The following GALNTL6 variants were observed in gnomAD, a reference collection of about 807,000 sequenced individuals.
GALNTL6 encodes the protein polypeptide N-acetylgalactosaminyltransferase like 6.
Under a neutral mutation model 73.7 loss-of-function variants are expected in GALNTL6, and 46 were observed. The observed-to-expected ratio is 0.62, with a 90% CI of 0.49 to 0.80. The LOEUF is 0.80. Among genes scored for constraint, GALNTL6 ranks in the 30% least tolerant of loss-of-function variants. GALNTL6 has a pLI of 0.00. For synonymous variants in GALNTL6, 259 were observed against 263.7 expected, an observed-to-expected ratio of 0.98 and a Z score of 0.17; for missense variants, 604 against 755.0, an observed-to-expected ratio of 0.80 and a Z score of 2.34.
At chr4:172,982,408 T>G (rs1433792747) in intron 10 of GALNTL6, among the ~76,000 whole-genome samples, 1 of 152,224 alleles carries the variant, frequency 6.6e-6, no homozygotes, top group Non-Finnish European at 1.5e-5. Flanking sequence ...TGGCTAAGCT[T>G]CTTTGTTTAT....
intron 2 of GALNTL6, among the ~76,000 whole-genome samples, chr4:172,199,089 G>A (rs755089295): frequency 2.0e-5 from 3 of 152,072 alleles, no homozygotes; most frequent in Non-Finnish European, 4.4e-5. Context: ...TGGATTCCTT[G>A]AGAGCAGACT....
intron 2 of GALNTL6, among the ~76,000 whole-genome samples, chr4:171,830,282 C>G (rs944892733): frequency 1.3e-5 from 2 of 152,246 alleles, no homozygotes; most frequent in Middle Eastern, 3.4e-3. Context: ...GAAGAATTAA[C>G]TTTTGTAGTT....
intron 10 of GALNTL6, among the ~76,000 whole-genome samples, chr4:172,977,901 G>A (rs558113279): frequency 1.3e-4 from 20 of 152,288 alleles, no homozygotes; most frequent in Admixed American, 2.0e-4. Context: ...GTGCAATGGC[G>A]TGATCACAGC....
chr4:172,740,893 G>A (rs557043236), intron 5 of GALNTL6, among the ~76,000 whole-genome samples: 5 of 152,156 alleles, frequency 3.3e-5, no homozygotes, highest in East Asian at 3.9e-4. Context: ...TGAATCAAGC[G>A]TATATTTTAA....
chr4:171,837,654 AT>A (rs1735131748), intron 2 of GALNTL6, among the ~76,000 whole-genome samples: 1 of 147,144 alleles, frequency 6.8e-6, no homozygotes, highest in African/African-American at 2.5e-5. Flanking sequence ...TTAATAATAA[AT>A]TAATAATTAA....
intron 2 of GALNTL6, among the ~76,000 whole-genome samples, chr4:172,215,723 T>G (rs1301124755): frequency 6.6e-6 from 1 of 152,162 alleles, no homozygotes; most frequent in Non-Finnish European, 1.5e-5. Flanking sequence ...TAAAGTGCTA[T>G]TAATATGTTC....
At chr4:172,408,732 T>C (rs1393071977) in intron 5 of GALNTL6, among the ~76,000 whole-genome samples, 2 of 152,068 alleles carry the variant, frequency 1.3e-5, no homozygotes, top group African/African-American at 2.4e-5. Flanking sequence ...GTTGTTGCTT[T>C]AGTAGAAACT....
intron 5 of GALNTL6, among the ~76,000 whole-genome samples, chr4:172,487,300 G>T (rs6817941): frequency 0.64 from 75,502 of 118,474 alleles, 23,352 homozygotes; most frequent in East Asian, 0.77. Context: ...CTTTCCTTCT[G>T]TCTTTCTTTC....
chr4:172,764,913 T>C (rs963219754), intron 5 of GALNTL6, among the ~76,000 whole-genome samples: 12 of 152,234 alleles, frequency 7.9e-5, no homozygotes, highest in Non-Finnish European at 1.8e-4. Flanking sequence ...AGAAGTGTTA[T>C]TGGGGATTTT....
intron 5 of GALNTL6, among the ~76,000 whole-genome samples, chr4:172,444,255 G>A (rs543144108): frequency 5.9e-5 from 9 of 152,096 alleles, no homozygotes; most frequent in Non-Finnish European, 1.0e-4. Context: ...GTGATCTAAC[G>A]GTCTACATTC....
chr4:171,931,375 C>G (rs373082534), intron 2 of GALNTL6, among the ~76,000 whole-genome samples: 25 of 152,194 alleles, frequency 1.6e-4, no homozygotes, highest in African/African-American at 6.0e-4. Context: ...TGGGTCTAGT[C>G]CAGCAGAATT....
intron 5 of GALNTL6, among the ~76,000 whole-genome samples, chr4:172,360,405 A>G (rs545394117): frequency 4.9e-4 from 74 of 152,330 alleles, no homozygotes; most frequent in African/African-American, 1.7e-3. Context: ...CTAGGAAAGT[A>G]TATTTTCATC....
chr4:172,157,570 A>G (rs552303171), intron 2 of GALNTL6, among the ~76,000 whole-genome samples: 4 of 152,228 alleles, frequency 2.6e-5, no homozygotes, highest in Non-Finnish European at 4.4e-5. Context: ...AGACAAGTCA[A>G]TTTACCTCAA....
intron 2 of GALNTL6, among the ~76,000 whole-genome samples, chr4:172,207,948 T>C (rs1458933230): frequency 6.6e-6 from 1 of 152,226 alleles, no homozygotes; most frequent in African/African-American, 2.4e-5. Context: ...CTGTACTCCA[T>C]GTTTGTTAAG....
intron 2 of GALNTL6, among the ~76,000 whole-genome samples, chr4:172,106,956 C>T (rs1253759604): frequency 6.6e-6 from 1 of 152,220 alleles, no homozygotes; most frequent in Admixed American, 6.5e-5. Flanking sequence ...TCACCGCAAC[C>T]TTTGCCTCCC....
intron 3 of GALNTL6, among the ~76,000 whole-genome samples, chr4:172,272,955 A>T (rs59804118): frequency 0.13 from 19,075 of 152,120 alleles, 1,271 homozygotes; most frequent in East Asian, 0.3. Context: ...AATAAGTTGG[A>T]GAAGAAGTAT....
intron 5 of GALNTL6, among the ~76,000 whole-genome samples, chr4:172,768,831 A>G (rs978756360): frequency 2.6e-5 from 4 of 152,026 alleles, no homozygotes; most frequent in Non-Finnish European, 4.4e-5. Context: ...TTATGCAGCT[A>G]TTTCAACAGT....
intron 2 of GALNTL6, among the ~76,000 whole-genome samples, chr4:172,082,859 T>C (rs1004433783): frequency 3.3e-5 from 5 of 152,176 alleles, no homozygotes; most frequent in African/African-American, 4.8e-5. Context: ...TAAAAAGTTT[T>C]ATTGGAAGTG....
chr4:172,039,364 A>G (rs1316062053), intron 2 of GALNTL6, among the ~76,000 whole-genome samples: 6 of 152,216 alleles, frequency 3.9e-5, no homozygotes, highest in Non-Finnish European at 7.3e-5. Context: ...GAAGCTTTTT[A>G]AAGAGGAAGT....
Sources: gnomAD v4.1 joint callset for allele counts (sites outside exome capture counted in the v4.1 genomes callset) on GRCh38, gnomAD v4.1.1 for gene constraint, MANE v1.5 for transcripts, NCBI Gene and HGNC (gene_info 2026-07-23, HGNC 2026-07-21) for gene names.